Variants in RAPH1 observed in about 807,000 individuals in gnomAD.
RAPH1 encodes the protein Ras association (RalGDS/AF-6) and pleckstrin homology domains 1.
A neutral mutation model predicts 88.1 loss-of-function variants in RAPH1; 18 were observed. That is an observed-to-expected ratio of 0.20 (90% confidence interval 0.14 to 0.30). RAPH1 has a LOEUF of 0.30. Ranked by LOEUF, RAPH1 falls within the 10% of genes least tolerant of loss-of-function variation. RAPH1 has a pLI of 1.00. For missense variants in RAPH1, 1,448 were observed against 1,543.2 expected (o/e 0.94, Z 1.03); for synonymous variants, 587 against 559.0 (o/e 1.05, Z -0.71).
intron 13 of RAPH1, chr2:203,444,589 C>CT (rs1379446818): frequency 9.8e-6 from 4 of 406,594 alleles, no homozygotes; most frequent in African/African-American, 8.2e-5. Context: ...TCTTAAAAAT[C>CT]TGAGCCACTG....
chr2:203,470,592 C>T (rs941923028), intron 4 of RAPH1, among the ~76,000 whole-genome samples: 9 of 152,246 alleles, frequency 5.9e-5, no homozygotes, highest in African/African-American at 9.6e-5. Flanking sequence ...TACATGCAGA[C>T]TGCAGAGCCA....
intron 1 of RAPH1, among the ~76,000 whole-genome samples, chr2:203,519,525 C>A (rs928471566): frequency 2.6e-5 from 4 of 152,014 alleles, no homozygotes; most frequent in South Asian, 2.1e-4. Flanking sequence ...TACAAAAAAA[C>A]CCCACAATTA....
At position 203,434,387 on chromosome 2, in the gene RAPH1, T is replaced by C. The variant is rs1479111825; in HGVS notation, c.*5050A>G. On this transcript the variant is annotated 3_prime_UTR_variant, in exon 14 of 14. Transcript: ENST00000319170. The stretch of plus-strand genomic sequence containing the variant: ...GGGAGGGAGCAATCCCAGTTAAATA[T>C]AATGTGCAATTCCCCTTTAACAGTA... The C allele has an allele frequency of 6.6e-6, 1 of 152,618 alleles. No individual in the cohort carries two copies. 9.5% of individuals were successfully genotyped at this position (152,618 alleles called of 1,614,324 possible).
chr2:203,515,519 C>A (rs986330060), intron 1 of RAPH1, among the ~76,000 whole-genome samples: 3 of 152,110 alleles, frequency 2.0e-5, no homozygotes, highest in Non-Finnish European at 4.4e-5. Context: ...AAGCTGGTGT[C>A]TTTTATTGTA....
chr2:203,450,793 G>A (rs193280685), intron 10 of RAPH1, among the ~76,000 whole-genome samples: 12 of 152,254 alleles, frequency 7.9e-5, no homozygotes, highest in African/African-American at 2.9e-4. Context: ...GTATCACCAC[G>A]CCCTCCCTTC....
chr2:203,437,883 A>T lies in RAPH1; in HGVS notation c.*1554T>A. 1 of 226,342 alleles carries T rather than the reference A, an allele frequency of 4.4e-6. No individual in the cohort carries two copies. The highest frequency in any genetic ancestry group is 8.8e-6 in the Non-Finnish European group (1 of 113,382). 14.0% of individuals were successfully genotyped at this position (226,342 alleles called of 1,614,324 possible). ...TTTCATTACAAGATGTGCTCCCCTT[A>T]TAAGTGCTGGGATGGCCCATTTTTA... On this transcript the variant is annotated 3_prime_UTR_variant, in exon 14 of 14. Coordinates refer to ENST00000319170, the MANE Select transcript of RAPH1 (RefSeq NM_213589.3).
chr2:203,436,023 C>T lies in RAPH1; in HGVS notation c.*3414G>A, dbSNP rs1156402936. ...AATTGGATGTACAGCTCCTAATAAC[C>T]TTGATGTCAGAGTTGTCACTTGGTT... On this transcript the variant is annotated 3_prime_UTR_variant, in exon 14 of 14. Transcript: ENST00000319170. 1 of 152,102 alleles carries T rather than the reference C, an allele frequency of 6.6e-6. No individual in the cohort carries two copies. The highest frequency in any genetic ancestry group is 1.9e-4 in the East Asian group (1 of 5,202). The allele number at this position is 152,102 out of a possible 1,614,324, so 9.4% of individuals were successfully genotyped here.
Position 203,490,102 on chromosome 2 carries a change from A to C in RAPH1, c.227-13T>G, listed in dbSNP as rs775345716. 6 of 1,565,692 alleles carry C rather than the reference A, an allele frequency of 3.8e-6. 1 individual carries two copies. The South Asian group carries it at 4.8e-5, about 12-fold the overall frequency. On this transcript the variant is annotated splice_polypyrimidine_tract_variant and intron_variant, in intron 3 of 13. Coordinates refer to ENST00000319170, the MANE Select transcript of RAPH1 (RefSeq NM_213589.3). Reference sequence around the variant, plus strand: ...TGATTCAGAGCTTCTGCAATGAACAACACATAATGTTTCCAGAATTTATAC... The same window carrying C: ...TGATTCAGAGCTTCTGCAATGAACACCACATAATGTTTCCAGAATTTATAC...
chr2:203,441,490 G>A, intron 13 of RAPH1, 77 bp from the exon 14 acceptor site: 2 of 1,447,236 alleles, frequency 1.4e-6, no homozygotes, highest in Non-Finnish European at 1.8e-6. Context: ...AGCTTTGATT[G>A]TGTAAAACTA....
rs1399337610 is a variant in RAPH1, at chr2:203,435,031, G to GT, written c.*4405dup. 1 of 152,622 alleles carries GT rather than the reference G, an allele frequency of 6.6e-6. No homozygotes were observed. Among genetic ancestry groups the GT allele is most frequent in the Non-Finnish European group, 1.5e-5 (1 of 68,038 alleles). The allele number at this position is 152,622 out of a possible 1,614,324, so 9.5% of individuals were successfully genotyped here. A position where few individuals can be genotyped will look rare whatever the true frequency, so the allele number is the denominator to read the frequency against. ...TGAAGGCACTGGGGGTTTACAGCAA[G>GT]TATTTTCTCTTTAAAACGGTTTATT... On this transcript the variant is annotated 3_prime_UTR_variant, in exon 14 of 14. Coordinates refer to ENST00000319170, the MANE Select transcript of RAPH1 (RefSeq NM_213589.3).
intron 4 of RAPH1, among the ~76,000 whole-genome samples, chr2:203,487,173 G>T (rs1336317192): frequency 6.6e-6 from 1 of 152,148 alleles, no homozygotes; most frequent in Non-Finnish European, 1.5e-5. Flanking sequence ...TTTATAACTT[G>T]TCCCTCACGC....
Position 203,440,393 on chromosome 2 carries a change from A to G in RAPH1, c.2797T>C (p.Ser933Pro), listed in dbSNP as rs1581242359. 1 of 1,417,674 alleles carries G rather than the reference A, an allele frequency of 7.1e-7. No individual in the cohort carries two copies. Among genetic ancestry groups the G allele is most frequent in the Non-Finnish European group, 9.7e-7 (1 of 1,031,332 alleles). The allele number at this position is 1,417,674 out of a possible 1,614,324, so 87.8% of individuals were successfully genotyped here. ...GGTGGTGGTGGGGCTGGGACAGGTG[A>G]TGGGGGTGGAGGAGGAAACACCAGG... ...SSLVFPPPPPSPVPAPPPPPP... is the reference protein window; with the variant it reads ...SSLVFPPPPPPPVPAPPPPPP... The change falls in exon 14 of 14, where the codon TCA (serine) becomes CCA (proline). Residue 933 changes from serine to proline, a missense_variant. This residue lies in a region of RAPH1 where 935 missense variants were observed against 890.1 expected (regional missense o/e 1.05). Coordinates refer to ENST00000319170, the MANE Select transcript of RAPH1 (RefSeq NM_213589.3).
chr2:203,475,025 C>T (rs2098536151), intron 4 of RAPH1, among the ~76,000 whole-genome samples: 1 of 152,126 alleles, frequency 6.6e-6, no homozygotes, highest in South Asian at 2.1e-4. Flanking sequence ...GCGGGAGAAT[C>T]GTTTGAACCC....
intron 7 of RAPH1, among the ~76,000 whole-genome samples, chr2:203,458,769 T>C (rs982242901): frequency 1.4e-5 from 2 of 146,946 alleles, no homozygotes; most frequent in Non-Finnish European, 3.0e-5. Flanking sequence ...TTTCTTTTTC[T>C]CTTTTTTTTT....
rs2098523039 is a variant in RAPH1, at chr2:203,459,965, T to G, written c.1034A>C (p.Gln345Pro). Residue 345 changes from glutamine to proline, a missense_variant, in exon 7 of 14, where the codon CAA becomes CCA. Physicochemically the swap from Gln to Pro is moderately conservative, Grantham distance 76 (BLOSUM62 -1). Coordinates refer to ENST00000319170, the MANE Select transcript of RAPH1 (RefSeq NM_213589.3). ...ENLLNWTRDSQNKLIFMERIE... is the reference protein window; with the variant it reads ...ENLLNWTRDSPNKLIFMERIE... The stretch of plus-strand genomic sequence containing the variant: ...ACGCTCCATAAATATAAGCTTGTTT[T>G]GGCTATCTCTTGTCCAATTAAGAAG... 1 of 1,611,894 alleles carries G rather than the reference T, an allele frequency of 6.2e-7. No individual in the cohort carries two copies. Among genetic ancestry groups the G allele is most frequent in the Non-Finnish European group, 8.5e-7 (1 of 1,178,184 alleles).
intron 2 of RAPH1, among the ~76,000 whole-genome samples, chr2:203,492,114 A>G (rs1479602141): frequency 6.6e-6 from 1 of 151,856 alleles, no homozygotes; most frequent in Non-Finnish European, 1.5e-5. Context: ...GGCGCCTGTA[A>G]TCCCAGCTAC....
chr2:203,518,530 A>G (rs1472318571), intron 1 of RAPH1, among the ~76,000 whole-genome samples: 2 of 93,046 alleles, frequency 2.1e-5, no homozygotes, highest in Non-Finnish European at 5.3e-5. Context: ...AACAAAAAAA[A>G]CAAAAAAACA....
Position 203,436,344 on chromosome 2 carries a change from T to C in RAPH1, c.*3093A>G, listed in dbSNP as rs896675475. 7 of 152,182 alleles carry C rather than the reference T, an allele frequency of 4.6e-5. No individual in the cohort carries two copies. The highest frequency in any genetic ancestry group is 1.7e-4 in the African/African-American group (7 of 41,436). The allele number at this position is 152,182 out of a possible 1,614,324, so 9.4% of individuals were successfully genotyped here. A position where few individuals can be genotyped will look rare whatever the true frequency, so the allele number is the denominator to read the frequency against. On this transcript the variant is annotated 3_prime_UTR_variant, in exon 14 of 14. Coordinates refer to ENST00000319170, the MANE Select transcript of RAPH1 (RefSeq NM_213589.3). ...CTATCCAATTTACAACTAAGGTGGG[T>C]ATCTGTAAAAACCTTAAGAATAGTT... is the stretch of plus-strand genomic sequence containing the variant.
At chr2:203,521,148 G>C (rs936615789) in intron 1 of RAPH1, among the ~76,000 whole-genome samples, 7 of 152,128 alleles carry the variant, frequency 4.6e-5, no homozygotes, top group Non-Finnish European at 8.8e-5. Context: ...CTGCCTCCTA[G>C]GTTCAAGTGA....
Sources: allele counts gnomAD v4.1 joint callset (sites outside exome capture counted in the v4.1 genomes callset), GRCh38; gene constraint gnomAD v4.1.1; regional missense constraint gnomAD v4.1.1; transcripts MANE v1.5; gene names NCBI Gene and HGNC (gene_info 2026-07-23, HGNC 2026-07-21).